The following ZNF14 variants were observed in gnomAD, a reference collection of about 807,000 sequenced individuals.
ZNF14 encodes zinc finger protein 14.
In ZNF14, 9 loss-of-function variants were observed where a neutral mutation model predicts 11.3. That is an observed-to-expected ratio of 0.80 (90% CI 0.48 to 1.39). The LOEUF is 1.39. Ranked by LOEUF, ZNF14 falls within the 40% of genes most tolerant of loss-of-function variation. The probability of loss-of-function intolerance (pLI) is 0.00; values close to 1 mark genes in which losing one functional copy is unlikely to be tolerated. For missense variants in ZNF14, 711 were observed against 763.9 expected, an observed-to-expected ratio of 0.93 and a Z score of 0.82; for synonymous variants, 239 against 245.7, an observed-to-expected ratio of 0.97 and a Z score of 0.25.
rs537286718 is a variant in ZNF14 at position 19,725,809 on chromosome 19, C to G, written c.3+7147G>C. Among the ~76,000 whole-genome samples, 7 of 133,916 alleles carry G rather than the reference C, an allele frequency of 5.2e-5. 2 individuals carry two copies. The East Asian group carries it at 1.5e-3, about 28-fold the overall frequency. 87.9% of individuals were successfully genotyped at this position (133,916 alleles called of 152,430 possible). A position where few individuals can be genotyped will look rare whatever the true frequency, so the allele number is the denominator to read the frequency against. On this transcript the variant is annotated intron_variant, in intron 1 of 3. Coordinates refer to ENST00000344099, the MANE Select transcript of ZNF14 (RefSeq NM_021030.3). ...CTTTTTTTCTCTAAAGTTCTCTTCT[C>G]ACTTCATTTCATTCATTTGATCTTC...
At chr19:19,731,386 C>G (rs1312059173) in intron 1 of ZNF14, among the ~76,000 whole-genome samples, 1 of 151,772 alleles carries the variant, frequency 6.6e-6, no homozygotes, top group Non-Finnish European at 1.5e-5. Context: ...ACCAGCCTGG[C>G]CAACATGGTG....
At chr19:19,716,992 G>A (rs1188779243) in intron 1 of ZNF14, among the ~76,000 whole-genome samples, 1 of 152,080 alleles carries the variant, frequency 6.6e-6, no homozygotes, top group Admixed American at 6.6e-5. Flanking sequence ...ACCAATACAA[G>A]GTGTCTTTTC....
At chr19:19,716,321 C>T (rs754860149) in intron 1 of ZNF14, among the ~76,000 whole-genome samples, 2 of 152,082 alleles carry the variant, frequency 1.3e-5, no homozygotes, top group South Asian at 2.1e-4. Context: ...GACCGAGTTT[C>T]GCTGTTGCCC....
rs1275232899 is a variant in ZNF14, at chr19:19,720,499, C to T, written c.4-6012G>A. On this transcript the variant is annotated intron_variant, in intron 1 of 3. Coordinates refer to ENST00000344099, the MANE Select transcript of ZNF14 (RefSeq NM_021030.3). This position sits in a 1 kb window ranked among gnomAD's most constrained non-coding sequence, Gnocchi z 4.1. ...TAAATAACAGGCGCCTGCCACCATGCCTGGCTAATTTTTTTGTATTTTTAG... is the reference window on the plus strand; with the variant it reads ...TAAATAACAGGCGCCTGCCACCATGTCTGGCTAATTTTTTTGTATTTTTAG... 6.6e-6 allele frequency among the ~76,000 whole-genome samples: 1 copy of T among 152,038 alleles called. No homozygotes were observed. The highest frequency in any genetic ancestry group is 1.9e-4 in the East Asian group (1 of 5,180).
At chr19:19,723,717 C>T (rs1199579175) in intron 1 of ZNF14, among the ~76,000 whole-genome samples, 1 of 132,404 alleles carries the variant, frequency 7.6e-6, no homozygotes, top group African/African-American at 2.8e-5. Context: ...TGGTCCTGGG[C>T]TTTTTTTGGT....
intron 1 of ZNF14, among the ~76,000 whole-genome samples, chr19:19,715,129 T>C (rs911493860): frequency 1.3e-5 from 2 of 152,216 alleles, no homozygotes; most frequent in Admixed American, 1.3e-4. Flanking sequence ...TTTAAGACCA[T>C]TAATCCCTTG....
In ZNF14 at chr19:19,712,323, CA is replaced by C. The variant is rs781000427; in HGVS notation, c.957del (p.Ala320GlnfsTer7). On this transcript the variant is annotated frameshift_variant, in exon 4 of 4. Coordinates refer to ENST00000344099, the MANE Select transcript of ZNF14 (RefSeq NM_021030.3). LOFTEE classifies it low-confidence loss of function (END_TRUNC). ...ATTATTACATGTGCTCGAAAGCTTG[CA>C]GAATAAAAGAAGGCTTTTCCACATT... ...CKECGKAFFYSASFRAHVIIH... is the reference protein window; with the variant it reads ...CKECGKAFFYXASFRAHVIIH... 6.2e-7 allele frequency: 1 copy of C among 1,613,196 alleles called. No homozygotes were observed. The highest frequency in any genetic ancestry group is 1.1e-5 in the South Asian group (1 of 90,998).
intron 1 of ZNF14, among the ~76,000 whole-genome samples, chr19:19,726,145 T>C (rs149374744): frequency 0.013 from 1,755 of 134,906 alleles, 393 homozygotes; most frequent in African/African-American, 0.046. Flanking sequence ...CTGCATTCCT[T>C]TGGAGGAGAA....
chr19:19,730,175 C>A (rs1431053224), intron 1 of ZNF14, among the ~76,000 whole-genome samples: 2 of 152,130 alleles, frequency 1.3e-5, no homozygotes, highest in East Asian at 3.9e-4. Context: ...AGGTGTGTGC[C>A]ACCAGGCTCG....
chr19:19,714,445 C>T lies in ZNF14; in HGVS notation c.46G>A (p.Glu16Lys). ...GAAGAATCCAGCAAAGCCCACTCCT[C>T]CAGGGTGAAGTTCACGGCCACATCC... Reference protein sequence around the residue: ...FEDVAVNFTLEEWALLDSSQK... With the variant: ...FEDVAVNFTLKEWALLDSSQK... Residue 16 changes from glutamate (E) to lysine (K), a missense_variant, in exon 2 of 4, where the codon GAG (glutamate) becomes AAG (lysine). Physicochemically the swap from Glu to Lys is moderately conservative, Grantham distance 56. Transcript: ENST00000344099. 3 of 1,614,106 alleles carry T rather than the reference C, an allele frequency of 1.9e-6. No homozygotes were observed. The highest frequency in any genetic ancestry group is 2.5e-6 in the Non-Finnish European group (3 of 1,180,022).
At chr19:19,727,288 CAT>C (rs901431386) in intron 1 of ZNF14, among the ~76,000 whole-genome samples, 4 of 133,768 alleles carry the variant, frequency 3.0e-5, no homozygotes, top group African/African-American at 1.1e-4. Flanking sequence ...TAATATAAAA[CAT>C]AGGATTGACA....
intron 1 of ZNF14, among the ~76,000 whole-genome samples, chr19:19,716,951 G>C (rs2062379479): frequency 6.6e-6 from 1 of 152,208 alleles, no homozygotes; most frequent in Non-Finnish European, 1.5e-5. Flanking sequence ...AGAAGCATGT[G>C]TGAAGGTGAA....
At chr19:19,722,175 T>A (rs57474361) in intron 1 of ZNF14, among the ~76,000 whole-genome samples, 1,524 of 152,152 alleles carry the variant, frequency 0.01, 24 homozygotes, top group African/African-American at 0.034. Flanking sequence ...AAGCACAGTA[T>A]CTGATTAATA....
At chr19:19,727,125 C>T (rs975287898) in intron 1 of ZNF14, among the ~76,000 whole-genome samples, 1 of 133,414 alleles carries the variant, frequency 7.5e-6, no homozygotes, top group African/African-American at 2.8e-5. Flanking sequence ...GTTGGAAATG[C>T]AGAAATCACC....
rs1199321881 is a variant in ZNF14, at chr19:19,720,403, C to T, written c.4-5916G>A. ...TTGCCCAGGCTGGAGTGCAATGACA[C>T]AACCTCGGGTCACTGCAACCTCTGC... On this transcript the variant is annotated intron_variant, in intron 1 of 3. Coordinates refer to ENST00000344099, the MANE Select transcript of ZNF14 (RefSeq NM_021030.3). This position sits in a 1 kb window ranked among gnomAD's most constrained non-coding sequence, Gnocchi z 4.1. Among the ~76,000 whole-genome samples the T allele has an allele frequency of 2.0e-5, 3 of 150,468 alleles. No homozygotes were observed. Among genetic ancestry groups the T allele is most frequent in the Non-Finnish European group, 4.4e-5 (3 of 67,818 alleles).
rs1568448403 is a variant in ZNF14 at position 19,712,825 on chromosome 19, A to G, written c.456T>C (p.Tyr152=). 2.5e-6 allele frequency: 4 copies of G among 1,614,232 alleles called. No homozygotes were observed. The East Asian group carries it at 6.7e-5, about 27-fold the overall frequency. ...TTTCATGTTTGCGAAAGCAGTGGTGATAACTGAAGGTTTTCCCAACTGCTT... is the reference window on the plus strand; with the variant it reads ...TTTCATGTTTGCGAAAGCAGTGGTGGTAACTGAAGGTTTTCCCAACTGCTT... The part of the protein sequence containing the change: ...KCKAVGKTFS[Y]HHCFRKHERT... The change falls in exon 4 of 4, where the codon TAT becomes TAC. Residue 152 remains tyrosine (Y), a synonymous_variant. Transcript: ENST00000344099.
Position 19,712,608 on chromosome 19 carries a change from A to T in ZNF14, c.673T>A (p.Cys225Ser). The T allele has an allele frequency of 6.2e-7, 1 of 1,613,844 alleles. No homozygotes were observed. The highest frequency in any genetic ancestry group is 8.5e-7 in the Non-Finnish European group (1 of 1,179,932). Residue 225 changes from cysteine to serine, a missense_variant, in exon 4 of 4, where the codon TGT becomes AGT. By Grantham distance (112) the Cys-to-Ser change is moderately radical. Coordinates refer to ENST00000344099, the MANE Select transcript of ZNF14 (RefSeq NM_021030.3). ...HAHTGKKPYE[C>S]KQCGKAFICY... is the part of the protein sequence containing the mutation. ...ATAAAGGCTTTCCCACACTGTTTAC[A>T]TTCATAGGGTTTCTTTCCAGTATGA... is the stretch of plus-strand genomic sequence containing the variant.
Position 19,728,667 on chromosome 19 carries a change from G to C in ZNF14, c.3+4289C>G, listed in dbSNP as rs1162460125. Among the ~76,000 whole-genome samples the C allele has an allele frequency of 5.3e-5, 7 of 132,306 alleles. 1 individual carries two copies. In the East Asian group the frequency reaches 1.5e-3, roughly 28 times the overall value. 86.8% of individuals were successfully genotyped at this position (132,306 alleles called of 152,430 possible). A position where few individuals can be genotyped will look rare whatever the true frequency, so the allele number is the denominator to read the frequency against. On this transcript the variant is annotated intron_variant, in intron 1 of 3. Transcript: ENST00000344099. ...AAGTAAAGATTATGATTACAAAGCAGATCTAAAAGATGGTACAACACCAGA... is the reference window on the plus strand; with the variant it reads ...AAGTAAAGATTATGATTACAAAGCACATCTAAAAGATGGTACAACACCAGA...
intron 3 of ZNF14, 109 bp from the exon 4 acceptor site, chr19:19,713,198 G>C: frequency 1.0e-6 from 1 of 999,026 alleles, no homozygotes; most frequent in Non-Finnish European, 1.5e-6. Context: ...TAGGATATCT[G>C]CCCTGTCTGA....
Sources: allele counts gnomAD v4.1 joint callset (sites outside exome capture counted in the v4.1 genomes callset), GRCh38; gene constraint gnomAD v4.1.1; non-coding constraint Gnocchi (gnomAD v3.1); transcripts MANE v1.5; gene names NCBI Gene and HGNC (gene_info 2026-07-23, HGNC 2026-07-21).